Variants in PRDM6 observed in about 807,000 individuals in gnomAD.
The protein encoded by PRDM6 is putative histone-lysine N-methyltransferase PRDM6.
PRDM6 carries 25 observed loss-of-function variants against 60.8 expected under a neutral mutation model. The ratio of observed to expected loss-of-function variants is 0.41; its 90% CI spans 0.30 to 0.57. PRDM6 has a LOEUF of 0.57. Among genes scored for constraint, PRDM6 ranks in the 20% least tolerant of loss-of-function variants. PRDM6 has a pLI of 0.27. For synonymous variants in PRDM6, 407 were observed against 357.4 expected (o/e 1.14, Z -1.57); for missense variants, 839 against 821.3 (o/e 1.02, Z -0.26).
At chr5:123,101,322 A>T (rs1483554185) in intron 3 of PRDM6, among the ~76,000 whole-genome samples, 2 of 152,106 alleles carry the variant, frequency 1.3e-5, no homozygotes, top group Non-Finnish European at 2.9e-5. Flanking sequence ...TGAGTGTATG[A>T]GTCTACAGCC....
Position 123,190,979 on chromosome 5 carries a change from T to C in PRDM6, c.*3778T>C, listed in dbSNP as rs1766420312. ...CATCTGGGGACCAGAAAATAGCATA[T>C]TGCAAAACAAGTTAAGATGCACAAC... On this transcript the variant is annotated 3_prime_UTR_variant, in exon 8 of 8. Coordinates refer to ENST00000407847, the MANE Select transcript of PRDM6 (RefSeq NM_001136239.4). The C allele has an allele frequency of 6.6e-6, 1 of 152,202 alleles. No homozygotes were observed. The highest frequency in any genetic ancestry group is 2.4e-5 in the African/African-American group (1 of 41,458). 9.4% of individuals were successfully genotyped at this position (152,202 alleles called of 1,614,324 possible). A position where few individuals can be genotyped will look rare whatever the true frequency, so the allele number is the denominator to read the frequency against.
intron 3 of PRDM6, among the ~76,000 whole-genome samples, chr5:123,111,707 C>CAA (rs70988559): frequency 0.025 from 2,585 of 103,864 alleles, 42 homozygotes; most frequent in Middle Eastern, 0.077. Flanking sequence ...CAAAACAAAA[C>CAA]AAAAAAAAAA....
chr5:123,168,388 G>A (rs1316904997), intron 5 of PRDM6, among the ~76,000 whole-genome samples: 2 of 151,858 alleles, frequency 1.3e-5, no homozygotes, highest in Non-Finnish European at 2.9e-5. Flanking sequence ...TGAATGTATG[G>A]TCAGAAAAAA....
At chr5:123,105,166 A>G (rs1764176656) in intron 3 of PRDM6, among the ~76,000 whole-genome samples, 1 of 152,212 alleles carries the variant, frequency 6.6e-6, no homozygotes, top group Admixed American at 6.5e-5. Context: ...TCTTTTATCA[A>G]TAGCATTTTC....
At chr5:123,104,171 C>T (rs1764160693) in intron 3 of PRDM6, among the ~76,000 whole-genome samples, 1 of 151,912 alleles carries the variant, frequency 6.6e-6, no homozygotes, top group African/African-American at 2.4e-5. Context: ...ATCATTACTG[C>T]TTAGCTTAAG....
chr5:123,090,490 A>G lies in PRDM6; in HGVS notation c.476A>G (p.Glu159Gly), dbSNP rs1580469452. 6.7e-7 allele frequency: 1 copy of G among 1,484,676 alleles called. No homozygotes were observed. The highest frequency in any genetic ancestry group is 8.9e-7 in the Non-Finnish European group (1 of 1,126,202). The allele number at this position is 1,484,676 out of a possible 1,614,324, so 92.0% of individuals were successfully genotyped here. A position where few individuals can be genotyped will look rare whatever the true frequency, so the allele number is the denominator to read the frequency against. The change falls in exon 2 of 8, where the codon GAG (glutamate) becomes GGG (glycine). Residue 159 changes from glutamate (E) to glycine (G), a missense_variant. Transcript: ENST00000407847. ...GGTGGTGGTGGCGGCGGCGGCGGGG[A>G]GGGTCGCGGCGCCCCGCGCTTCCGC... Reference protein sequence around the residue: ...KCGGGGGGGGEGRGAPRFRCS... With the variant: ...KCGGGGGGGGGGRGAPRFRCS...
intron 5 of PRDM6, among the ~76,000 whole-genome samples, chr5:123,169,466 G>A (rs915712989): frequency 1.3e-5 from 2 of 152,138 alleles, no homozygotes; most frequent in Non-Finnish European, 2.9e-5. Flanking sequence ...AACAAAAATG[G>A]TAGTTGCTGT....
At chr5:123,178,686 C>G (rs1438319460) in intron 6 of PRDM6, among the ~76,000 whole-genome samples, 1 of 152,114 alleles carries the variant, frequency 6.6e-6, no homozygotes, top group African/African-American at 2.4e-5. Flanking sequence ...ATTAGTCAAG[C>G]TAAAAAATTC....
chr5:123,099,590 A>T lies in PRDM6; in HGVS notation c.593-64A>T, dbSNP rs1764049258. 7.2e-7 allele frequency: 1 copy of T among 1,383,174 alleles called. No homozygotes were observed. 85.7% of individuals were successfully genotyped at this position (1,383,174 alleles called of 1,614,324 possible). A position where few individuals can be genotyped will look rare whatever the true frequency, so the allele number is the denominator to read the frequency against. On this transcript the variant is annotated intron_variant, in intron 2 of 7. Coordinates refer to ENST00000407847, the MANE Select transcript of PRDM6 (RefSeq NM_001136239.4). This position sits in a 1 kb window ranked among gnomAD's most constrained non-coding sequence, Gnocchi z 4.0. Reference sequence around the variant, plus strand: ...TGTTGTCTCGGGAGTTTACTCAAAGATGGGCCGCTCGGGGCGGCCGGATTA... The same window carrying T: ...TGTTGTCTCGGGAGTTTACTCAAAGTTGGGCCGCTCGGGGCGGCCGGATTA...
At chr5:123,148,758 A>G (rs1765306407) in intron 3 of PRDM6, among the ~76,000 whole-genome samples, 1 of 152,218 alleles carries the variant, frequency 6.6e-6, no homozygotes, top group South Asian at 2.1e-4. Context: ...ATTGATAAAG[A>G]ACTTTATTAA....
At chr5:123,185,568 A>G (rs896760813) in intron 7 of PRDM6, among the ~76,000 whole-genome samples, 2 of 152,200 alleles carry the variant, frequency 1.3e-5, no homozygotes, top group African/African-American at 4.8e-5. Context: ...TAAAGCTGAC[A>G]TTATACATTT....
chr5:123,134,287 A>G (rs913341780), intron 3 of PRDM6, among the ~76,000 whole-genome samples: 8 of 152,140 alleles, frequency 5.3e-5, no homozygotes, highest in African/African-American at 1.4e-4. Context: ...TAGAGATGTT[A>G]GCTCAAAAAT....
intron 3 of PRDM6, among the ~76,000 whole-genome samples, chr5:123,134,732 A>G (rs1423836572): frequency 6.6e-6 from 1 of 152,170 alleles, no homozygotes. Flanking sequence ...TTTTCAATAT[A>G]GGATTTCTGC....
At chr5:123,131,704 G>A (rs1362981024) in intron 3 of PRDM6, among the ~76,000 whole-genome samples, 2 of 152,122 alleles carry the variant, frequency 1.3e-5, no homozygotes, top group African/African-American at 4.8e-5. Context: ...TCAGCAGATT[G>A]GATAAAAGTA....
chr5:123,148,452 G>C (rs1483710403), intron 3 of PRDM6, among the ~76,000 whole-genome samples: 3 of 152,004 alleles, frequency 2.0e-5, no homozygotes, highest in Non-Finnish European at 4.4e-5. Context: ...GTGGAGGAGG[G>C]AGAAACTATT....
intron 3 of PRDM6, among the ~76,000 whole-genome samples, chr5:123,100,974 T>C (rs755678882): frequency 1.5e-4 from 23 of 152,322 alleles, no homozygotes; most frequent in East Asian, 3.9e-4. Flanking sequence ...TAGGAATAGC[T>C]AGAAAATAAA....
chr5:123,121,986 A>AC (rs1243681830), intron 3 of PRDM6, among the ~76,000 whole-genome samples: 4 of 150,954 alleles, frequency 2.6e-5, no homozygotes, highest in Admixed American at 6.6e-5. Flanking sequence ...ACACAGGGAG[A>AC]CCCCGTCTCT....
At position 123,150,548 on chromosome 5, in the gene PRDM6, C is replaced by A. The variant is rs548929737; in HGVS notation, c.901-5336C>A. Among the ~76,000 whole-genome samples, 13 of 152,308 alleles carry A rather than the reference C, an allele frequency of 8.5e-5. No homozygotes were observed. The East Asian group carries it at 2.5e-3, about 29-fold the overall frequency. ...TTATGGACTACAAAATACTGGGCCTCTACCTCCTGACACGCAGAGGAATTG... is the reference window on the plus strand; with the variant it reads ...TTATGGACTACAAAATACTGGGCCTATACCTCCTGACACGCAGAGGAATTG... On this transcript the variant is annotated intron_variant, in intron 3 of 7. Coordinates refer to ENST00000407847, the MANE Select transcript of PRDM6 (RefSeq NM_001136239.4).
intron 1 of PRDM6, 53 bp from the exon 2 acceptor site, chr5:123,089,947 C>T (rs1036263389): frequency 2.9e-6 from 4 of 1,363,712 alleles, no homozygotes; most frequent in Admixed American, 4.2e-5. Context: ...GCCCTCTTCC[C>T]GGCCCCTTTC....
Sources: allele counts gnomAD v4.1 joint callset (sites outside exome capture counted in the v4.1 genomes callset), GRCh38; gene constraint gnomAD v4.1.1; non-coding constraint Gnocchi (gnomAD v3.1); transcripts MANE v1.5; gene names NCBI Gene and HGNC (gene_info 2026-07-23, HGNC 2026-07-21).